Variants in TRPC5 observed in about 807,000 individuals in gnomAD.
TRPC5 encodes the protein transient receptor potential cation channel subfamily C member 5, also known as short transient receptor potential channel 5.
Under a neutral mutation model 56.5 loss-of-function variants are expected in TRPC5, and 9 were observed. That is an observed-to-expected ratio of 0.16 (90% confidence interval 0.10 to 0.28). The LOEUF is 0.28. Among genes scored for constraint, TRPC5 ranks in the 10% least tolerant of loss-of-function variants. The pLI, the probability that TRPC5 is intolerant of heterozygous loss-of-function variation, is 1.00. For missense variants in TRPC5, 469 were observed against 748.9 expected (o/e 0.63, Z 4.36); for synonymous variants, 282 against 278.5 (o/e 1.01, Z -0.13).
intron 1 of TRPC5, among the ~76,000 whole-genome samples, chrX:111,959,040 A>G (rs1465107456): frequency 1.8e-5 from 2 of 112,682 alleles, no homozygotes; most frequent in Non-Finnish European, 3.8e-5. Context: ...GACCTGTCCA[A>G]CAATAGATGC....
At chrX:112,011,292 G>A (rs1928985417) in intron 1 of TRPC5, among the ~76,000 whole-genome samples, 1 of 111,807 alleles carries the variant, frequency 8.9e-6, no homozygotes, top group Non-Finnish European at 1.9e-5. Context: ...GAACAAGTCA[G>A]AATGTATCTA....
intron 7 of TRPC5, among the ~76,000 whole-genome samples, chrX:111,788,605 G>T (rs1945990253): frequency 8.9e-6 from 1 of 111,785 alleles, no homozygotes. Flanking sequence ...ATTCAATTAG[G>T]AAATGAGGAA....
Position 111,771,311 on chromosome X carries a change from C to T in TRPC5, c.*5002G>A, listed in dbSNP as rs1945842230. ...AGCTTTTTGGCATAAGGGCATTCCA[C>T]TTAGTTTTATGTTTAAATATTATAA... On this transcript the variant is annotated 3_prime_UTR_variant, in exon 11 of 11. Coordinates refer to ENST00000262839, the MANE Select transcript of TRPC5 (RefSeq NM_012471.3). Among the ~76,000 whole-genome samples the T allele has an allele frequency of 8.9e-6, 1 of 111,775 alleles. No homozygotes were observed. The highest frequency in any genetic ancestry group is 1.9e-5 in the Non-Finnish European group (1 of 53,187).
rs1449094389 is a variant in TRPC5 at position 111,768,429 on chromosome X, TCCCATCC to T, written c.*7877_*7883del. ...TTCATTGTTTTGAGTAGAAAGAAAC[TCCCATCC>T]CTAATTTCAACCCCATTTTTGAGAA... is the stretch of plus-strand genomic sequence containing the variant. On this transcript the variant is annotated 3_prime_UTR_variant, in exon 11 of 11. Transcript: ENST00000262839. Among the ~76,000 whole-genome samples the T allele has an allele frequency of 3.6e-5, 4 of 111,986 alleles. No homozygotes were observed. Among genetic ancestry groups the T allele is most frequent in the Non-Finnish European group, 5.6e-5 (3 of 53,168 alleles).
intron 7 of TRPC5, among the ~76,000 whole-genome samples, chrX:111,794,743 G>C (rs967812119): frequency 6.3e-5 from 7 of 111,053 alleles, no homozygotes; most frequent in Admixed American, 1.9e-4. Context: ...GAAGCAAAAG[G>C]GGGAAAGGCA....
chrX:111,825,857 G>T (rs1225834287), intron 7 of TRPC5, among the ~76,000 whole-genome samples: 1 of 111,485 alleles, frequency 9.0e-6, no homozygotes, highest in African/African-American at 3.3e-5. Context: ...AGCTGCTGCT[G>T]GGGGCACCAA....
intron 7 of TRPC5, among the ~76,000 whole-genome samples, chrX:111,833,386 A>T (rs754126355): frequency 1.8e-5 from 2 of 111,223 alleles, no homozygotes; most frequent in Non-Finnish European, 3.8e-5. Flanking sequence ...TGCAGTTATA[A>T]ACCACAGAAC....
intron 1 of TRPC5, among the ~76,000 whole-genome samples, chrX:111,972,770 C>T (rs772349134): frequency 2.1e-4 from 23 of 112,148 alleles, no homozygotes; most frequent in African/African-American, 5.8e-4. Flanking sequence ...TTGAACTCAT[C>T]AAAAGTGACA....
At chrX:111,798,942 A>T (rs1229619600) in intron 7 of TRPC5, among the ~76,000 whole-genome samples, 4 of 112,250 alleles carry the variant, frequency 3.6e-5, no homozygotes, top group African/African-American at 1.3e-4. Flanking sequence ...GTTTGGCTTT[A>T]AAAATGTCAA....
chrX:112,062,791 A>G (rs1014200931), intron 1 of TRPC5, among the ~76,000 whole-genome samples: 1 of 111,789 alleles, frequency 8.9e-6, no homozygotes, highest in African/African-American at 3.3e-5. Flanking sequence ...TAGTGGGGGA[A>G]CTACTGAAGG....
intron 2 of TRPC5, among the ~76,000 whole-genome samples, chrX:111,945,726 A>T (rs1220559331): frequency 8.9e-6 from 1 of 112,139 alleles, no homozygotes; most frequent in Non-Finnish European, 1.9e-5. Context: ...GATAGAGCAG[A>T]CAGCTTCTTA....
chrX:111,944,031 A>C (rs1926854320), intron 2 of TRPC5, among the ~76,000 whole-genome samples: 1 of 111,492 alleles, frequency 9.0e-6, no homozygotes, highest in Admixed American at 9.6e-5. Flanking sequence ...TCTTAACCTT[A>C]TTTCTTTCTC....
At chrX:111,933,422 A>G (rs1926475864) in intron 2 of TRPC5, among the ~76,000 whole-genome samples, 1 of 111,234 alleles carries the variant, frequency 9.0e-6, no homozygotes. Context: ...TGCAGATGAG[A>G]CATATCTGCC....
intron 3 of TRPC5, chrX:111,903,685 C>G (rs905944289): frequency 1.8e-5 from 2 of 111,704 alleles, no homozygotes; most frequent in African/African-American, 6.5e-5. Flanking sequence ...AGTGTTAAAG[C>G]CAATTATTAT....
At chrX:111,902,246 T>C (rs1290093439) in intron 3 of TRPC5, 2 of 781,030 alleles carry the variant, frequency 2.6e-6, no homozygotes, top group African/African-American at 4.2e-5. Context: ...TGTTTTAATA[T>C]ATTCTTATTT....
At chrX:111,792,531 T>G (rs1179150780) in intron 7 of TRPC5, among the ~76,000 whole-genome samples, 2 of 111,592 alleles carry the variant, frequency 1.8e-5, no homozygotes, top group Non-Finnish European at 3.8e-5. Context: ...CAATCACCAT[T>G]ATATAATGCT....
At chrX:112,053,778 G>A (rs909661685) in intron 1 of TRPC5, among the ~76,000 whole-genome samples, 2 of 112,276 alleles carry the variant, frequency 1.8e-5, no homozygotes, top group African/African-American at 6.5e-5. Context: ...GCAAGTGCAT[G>A]CTTTCCCTGA....
At chrX:111,979,784 C>T (rs1928028920) in intron 1 of TRPC5, among the ~76,000 whole-genome samples, 1 of 111,628 alleles carries the variant, frequency 9.0e-6, no homozygotes, top group South Asian at 3.7e-4. Flanking sequence ...CATTATGCAT[C>T]TATTAAGTTA....
At chrX:111,807,956 C>CTCTG (rs905386723) in intron 7 of TRPC5, among the ~76,000 whole-genome samples, 1,814 of 91,891 alleles carry the variant, frequency 0.02, 60 homozygotes, top group African/African-American at 0.087. Context: ...CTCTCTCTCT[C>CTCTG]TGTGTGTGTG....
Sources: gnomAD v4.1 joint callset for allele counts (sites outside exome capture counted in the v4.1 genomes callset) on GRCh38, gnomAD v4.1.1 for gene constraint, MANE v1.5 for transcripts, NCBI Gene and HGNC (gene_info 2026-07-23, HGNC 2026-07-21) for gene names.